Variants in ANKRD45 observed in about 807,000 individuals in gnomAD.
The protein encoded by ANKRD45 is ankyrin repeat domain-containing protein 45.
ANKRD45 carries 21 observed loss-of-function variants against 28.1 expected under a neutral mutation model. The observed-to-expected ratio is 0.75, with a 90% confidence interval of 0.53 to 1.08. The LOEUF (loss-of-function observed/expected upper bound fraction) is 1.08. Ranked by LOEUF, ANKRD45 falls within the 50% of genes least tolerant of loss-of-function variation. The pLI is 0.00. For missense variants in ANKRD45, 261 were observed against 308.7 expected, an observed-to-expected ratio of 0.85 and a Z score of 1.16; for synonymous variants, 86 against 103.9, an observed-to-expected ratio of 0.83 and a Z score of 1.05.
the ANKRD45 span, among the ~76,000 whole-genome samples, chr1:173,713,444 T>A: frequency 1.4e-5 from 2 of 147,644 alleles, no homozygotes; most frequent in Non-Finnish European, 3.0e-5. Flanking sequence ...ATTGCCTTTG[T>A]AAAGCTAATG....
At chr1:173,705,774 G>GC in the ANKRD45 span, among the ~76,000 whole-genome samples, 1 of 152,004 alleles carries the variant, frequency 6.6e-6, no homozygotes, top group South Asian at 2.1e-4. Context: ...AAATCTGGCT[G>GC]CCATCCCTAA....
At chr1:173,689,406 A>G in the ANKRD45 span, among the ~76,000 whole-genome samples, 1 of 152,194 alleles carries the variant, frequency 6.6e-6, no homozygotes, top group African/African-American at 2.4e-5. Flanking sequence ...GGTGGAAAAC[A>G]TAAGTTTTGT....
chr1:173,640,410 G>A (rs1035299066), intron 3 of ANKRD45, among the ~76,000 whole-genome samples: 2 of 151,682 alleles, frequency 1.3e-5, no homozygotes, highest in Non-Finnish European at 2.9e-5. Context: ...ACTGCCGTCC[G>A]CACAGCTGAG....
intron 5 of ANKRD45, among the ~76,000 whole-genome samples, chr1:173,620,505 G>T (rs921486408): frequency 6.6e-6 from 1 of 152,182 alleles, no homozygotes; most frequent in Non-Finnish European, 1.5e-5. Context: ...AAGCTGGAAA[G>T]ACCTCAAATT....
At position 173,624,872 on chromosome 1, in the gene ANKRD45, T is replaced by C; in HGVS notation, c.645A>G (p.Thr215=). The part of the protein sequence containing the change: ...RAKNEWLETH[T]EASINELFEQ... ...CAAAAAGCTCATTAATGGAAGCTTC[T>C]GTATGGGTTTCCAACCACTCATTTT... is the stretch of plus-strand genomic sequence containing the variant. Residue 215 remains threonine (T), a synonymous_variant, in exon 5 of 6, where the codon ACA becomes ACG. Coordinates refer to ENST00000333279, the MANE Select transcript of ANKRD45 (RefSeq NM_198493.3). The C allele has an allele frequency of 6.2e-7, 1 of 1,613,870 alleles. No homozygotes were observed. The highest frequency in any genetic ancestry group is 8.5e-7 in the Non-Finnish European group (1 of 1,179,814).
intron 1 of ANKRD45, chr1:173,669,350 A>G (rs1571792237): frequency 4.6e-6 from 2 of 437,264 alleles, no homozygotes; most frequent in East Asian, 1.4e-4. Context: ...AAGTTGTGAT[A>G]GAGGAGTAGA....
At position 173,627,102 on chromosome 1, in the gene ANKRD45, G is replaced by A; in HGVS notation, c.554C>T (p.Thr185Ile). ...AAGGAGTTTCCCTGATCCCTTTTCTGTGTCAGTAACAGCTAAAGAGACTTT... is the reference window on the plus strand; with the variant it reads ...AAGGAGTTTCCCTGATCCCTTTTCTATGTCAGTAACAGCTAAAGAGACTTT... The part of the protein sequence containing the change: ...IAKVSLAVTD[T>I]EKGSGKLLKE... Residue 185 changes from threonine (T) to isoleucine (I), a missense_variant, in exon 4 of 6, where the codon ACA (threonine) becomes ATA (isoleucine). Thr to Ile is a moderately conservative substitution (Grantham distance 89). Transcript: ENST00000333279. 2 of 1,612,822 alleles carry A rather than the reference G, an allele frequency of 1.2e-6. No homozygotes were observed. The highest frequency in any genetic ancestry group is 2.2e-5 in the East Asian group (1 of 44,862).
intron 3 of ANKRD45, among the ~76,000 whole-genome samples, chr1:173,631,144 C>G (rs1668181078): frequency 1.3e-5 from 2 of 151,876 alleles, no homozygotes; most frequent in African/African-American, 4.8e-5. Context: ...TATTCCATGC[C>G]AATGGAAACC....
chr1:173,697,949 C>T, the ANKRD45 span, among the ~76,000 whole-genome samples: 1 of 145,080 alleles, frequency 6.9e-6, no homozygotes, highest in Non-Finnish European at 1.5e-5. Flanking sequence ...CATATAGGCT[C>T]AAAATAAAGG....
chr1:173,626,370 G>A (rs570355663), intron 4 of ANKRD45, among the ~76,000 whole-genome samples: 69 of 152,254 alleles, frequency 4.5e-4, no homozygotes, highest in Admixed American at 1.6e-3. Flanking sequence ...ACTTAGATAT[G>A]TGGCAAGTGG....
In ANKRD45 at chr1:173,658,865, G is replaced by C. The variant is rs116247255; in HGVS notation, c.328+226C>G. The C allele has an allele frequency of 7.3e-3, 4,149 of 566,786 alleles. 20 individuals are homozygous for C. Among genetic ancestry groups the C allele is most frequent in the Non-Finnish European group, 8.8e-3 (3,436 of 391,088 alleles). 35.1% of individuals were successfully genotyped at this position (566,786 alleles called of 1,614,324 possible). A position where few individuals can be genotyped will look rare whatever the true frequency, so the allele number is the denominator to read the frequency against. On this transcript the variant is annotated intron_variant, in intron 2 of 5. Coordinates refer to ENST00000333279, the MANE Select transcript of ANKRD45 (RefSeq NM_198493.3). ...ACAAAAAGATCAGGTAACTTGCCAA[G>C]TCACACAGCTAATAAATAGTAAAGT...
Position 173,659,240 on chromosome 1 carries a change from T to G in ANKRD45, c.179A>C (p.Asn60Thr), listed in dbSNP as rs1669678509. The G allele has an allele frequency of 6.2e-7, 1 of 1,614,158 alleles. No homozygotes were observed. The highest frequency in any genetic ancestry group is 8.5e-7 in the Non-Finnish European group (1 of 1,180,030). Residue 60 changes from asparagine (N) to threonine (T), a missense_variant, in exon 2 of 6, where the codon AAT becomes ACT. Transcript: ENST00000333279. ...GLQKIFEDPE[N>T]PHHEQAMQLL... ...CTGCATGGCCTGTTCATGATGAGGA[T>G]TCTCAGGATCCTCAAATATCTTCTG...
the ANKRD45 span, among the ~76,000 whole-genome samples, chr1:173,709,294 C>T: frequency 6.6e-6 from 1 of 152,196 alleles, no homozygotes; most frequent in Non-Finnish European, 1.5e-5. Context: ...CCTTCAGTTC[C>T]TCTCTGATGG....
intron 1 of ANKRD45, among the ~76,000 whole-genome samples, chr1:173,662,053 T>C (rs1229192764): frequency 1.3e-5 from 2 of 152,168 alleles, no homozygotes; most frequent in Non-Finnish European, 2.9e-5. Context: ...AGCAGATATT[T>C]TAGGCTTGTG....
the ANKRD45 span, among the ~76,000 whole-genome samples, chr1:173,698,161 C>A: frequency 3.9e-5 from 6 of 152,192 alleles, no homozygotes; most frequent in Non-Finnish European, 7.3e-5. Context: ...CACCCAGATT[C>A]ATAAAGCAAG....
At chr1:173,621,258 A>G (rs1299968780) in intron 5 of ANKRD45, among the ~76,000 whole-genome samples, 1 of 152,210 alleles carries the variant, frequency 6.6e-6, no homozygotes, top group African/African-American at 2.4e-5. Context: ...CTCTACTGAA[A>G]CTATTCCAAA....
rs577291301 is a variant in ANKRD45, at chr1:173,621,031, A to T, written c.730+3756T>A. ...CATCAGACAAACTATAAACAATTCTATGAACATAAAGTAGAAAAGCTAGAA... is the reference window on the plus strand; with the variant it reads ...CATCAGACAAACTATAAACAATTCTTTGAACATAAAGTAGAAAAGCTAGAA... On this transcript the variant is annotated intron_variant, in intron 5 of 5. Transcript: ENST00000333279. Among the ~76,000 whole-genome samples the T allele has an allele frequency of 2.0e-5, 3 of 152,314 alleles. No homozygotes were observed. The East Asian group carries it at 5.8e-4, about 29-fold the overall frequency.
intron 5 of ANKRD45, among the ~76,000 whole-genome samples, chr1:173,613,565 C>CCCA: frequency 6.8e-6 from 1 of 147,072 alleles, no homozygotes; most frequent in African/African-American, 2.6e-5. Context: ...GGGGTCAGCC[C>CCCA]CCCCCCCGGC....
At chr1:173,639,277 T>C (rs750012530) in intron 3 of ANKRD45, among the ~76,000 whole-genome samples, 1 of 152,180 alleles carries the variant, frequency 6.6e-6, no homozygotes. Context: ...AGATAGCTAT[T>C]GTACATGTCC....
Sources: gnomAD v4.1 joint callset for allele counts (sites outside exome capture counted in the v4.1 genomes callset) on GRCh38, gnomAD v4.1.1 for gene constraint, MANE v1.5 for transcripts, NCBI Gene and HGNC (gene_info 2026-07-23, HGNC 2026-07-21) for gene names.